The following KCNH5 variants were observed in gnomAD, a reference collection of about 807,000 sequenced individuals.
The protein encoded by KCNH5 is potassium voltage-gated channel subfamily H member 5.
Under a neutral mutation model 96.1 loss-of-function variants are expected in KCNH5, and 46 were observed. The ratio of observed to expected loss-of-function variants is 0.48; its 90% CI spans 0.38 to 0.61. The LOEUF is 0.61. KCNH5 is among the 20% of genes least tolerant of loss of function. The pLI, the probability that KCNH5 is intolerant of heterozygous loss-of-function variation, is 0.00. For missense variants in KCNH5, 907 were observed against 1,225.8 expected, an observed-to-expected ratio of 0.74 and a Z score of 3.88; for synonymous variants, 439 against 449.8, an observed-to-expected ratio of 0.98 and a Z score of 0.30.
chr14:62,932,672 T>C (rs943541134), intron 7 of KCNH5, among the ~76,000 whole-genome samples: 1 of 152,072 alleles, frequency 6.6e-6, no homozygotes, highest in Non-Finnish European at 1.5e-5. Context: ...CATAGAAAGA[T>C]ACCTTGTCAT....
rs906030611 is a variant in KCNH5, at chr14:62,704,144, C to T, written c.*3364G>A. The T allele has an allele frequency of 2.6e-5, 4 of 151,912 alleles. No homozygotes were observed. Among genetic ancestry groups the T allele is most frequent in the East Asian group, 1.9e-4 (1 of 5,180 alleles). 9.4% of individuals were successfully genotyped at this position (151,912 alleles called of 1,614,324 possible). A position where few individuals can be genotyped will look rare whatever the true frequency, so the allele number is the denominator to read the frequency against. On this transcript the variant is annotated 3_prime_UTR_variant, in exon 11 of 11. Transcript: ENST00000322893. ...AATTTTCCTATTAAAGTGTTGAGTA[C>T]AACAGAAGTACACATTTTTTCTAGA... is the stretch of plus-strand genomic sequence containing the variant.
intron 10 of KCNH5, among the ~76,000 whole-genome samples, chr14:62,735,145 A>C (rs1885130380): frequency 6.6e-6 from 1 of 152,172 alleles, no homozygotes; most frequent in Admixed American, 6.6e-5. Flanking sequence ...CTCTTGCAGG[A>C]AATAAAGCTT....
intron 5 of KCNH5, among the ~76,000 whole-genome samples, chr14:62,984,666 G>A (rs144956999): frequency 1.3e-5 from 2 of 151,944 alleles, no homozygotes; most frequent in Admixed American, 6.6e-5. Flanking sequence ...CTCTGAAATC[G>A]ACCCTAAGAT....
intron 7 of KCNH5, among the ~76,000 whole-genome samples, chr14:62,881,278 AT>A (rs1888486003): frequency 6.6e-6 from 1 of 152,116 alleles, no homozygotes; most frequent in Admixed American, 6.6e-5. Context: ...TTGTTTAAAG[AT>A]TTTCATGGAA....
intron 10 of KCNH5, among the ~76,000 whole-genome samples, chr14:62,754,888 G>GTAAAATAAAA (rs567937783): frequency 7.5e-6 from 1 of 133,910 alleles, no homozygotes; most frequent in African/African-American, 2.5e-5. Flanking sequence ...ATAAAATAAA[G>GTAAAATAAAA]TAAAATAAAA....
rs566794892 is a variant in KCNH5, at chr14:62,909,288, G to A, written c.1369+40845C>T. 3.2e-3 allele frequency among the ~76,000 whole-genome samples: 489 copies of A among 151,448 alleles called. 4 individuals carry two copies. The highest frequency in any genetic ancestry group is 0.011 in the African/African-American group (469 of 41,298). On this transcript the variant is annotated intron_variant, in intron 7 of 10. Transcript: ENST00000322893. Reference sequence around the variant, plus strand: ...TCTCGATCTCCTGACCTCGTGATCCGCCCGCCTCGGCCTCCCAAAGTGCTG... The same window carrying A: ...TCTCGATCTCCTGACCTCGTGATCCACCCGCCTCGGCCTCCCAAAGTGCTG...
intron 6 of KCNH5, among the ~76,000 whole-genome samples, chr14:62,975,694 GA>G (rs1275181229): frequency 2.0e-5 from 3 of 152,012 alleles, no homozygotes; most frequent in Non-Finnish European, 2.9e-5. Context: ...CCAGTAGGAG[GA>G]ATCCAAGAGA....
chr14:62,963,603 G>T (rs560575588), intron 6 of KCNH5, among the ~76,000 whole-genome samples: 4 of 152,186 alleles, frequency 2.6e-5, no homozygotes, highest in South Asian at 4.1e-4. Context: ...AAAAAGGAGA[G>T]AATTCCTCCT....
intron 2 of KCNH5, among the ~76,000 whole-genome samples, chr14:63,012,013 C>T (rs759538252): frequency 2.0e-5 from 3 of 152,158 alleles, no homozygotes; most frequent in Non-Finnish European, 4.4e-5. Flanking sequence ...GATTGTTCTT[C>T]TCACCCCTCT....
intron 6 of KCNH5, among the ~76,000 whole-genome samples, chr14:62,955,756 C>T (rs1056821225): frequency 3.9e-5 from 6 of 152,164 alleles, no homozygotes; most frequent in African/African-American, 1.4e-4. Context: ...AGTAGGGGTC[C>T]GTGGAGGCCC....
intron 10 of KCNH5, among the ~76,000 whole-genome samples, chr14:62,754,658 T>G (rs1270401922): frequency 1.3e-5 from 2 of 151,750 alleles, no homozygotes; most frequent in Non-Finnish European, 2.9e-5. Flanking sequence ...AGATCACTTA[T>G]GGTCAGGAGT....
At chr14:62,907,026 T>C (rs2140097390) in intron 7 of KCNH5, among the ~76,000 whole-genome samples, 1 of 152,320 alleles carries the variant, frequency 6.6e-6, no homozygotes, top group South Asian at 2.1e-4. Context: ...CCCTAATCCA[T>C]TTTCTTAACT....
rs768379844 is a variant in KCNH5, at chr14:62,707,710, T to A, written c.2765A>T (p.Gln922Leu). Residue 922 changes from glutamine (Q) to leucine (L), a missense_variant, in exon 11 of 11, where the codon CAG (glutamine) becomes CTG (leucine). By Grantham distance (113) the Gln-to-Leu change is moderately radical. This residue lies in a region of KCNH5 where 362 missense variants were observed against 394.4 expected (regional missense o/e 0.92). Transcript: ENST00000322893. The stretch of plus-strand genomic sequence containing the variant: ...GGCAGTCATTCTGCAGCTGAGCAGC[T>A]GGATGTCCTCTTTGAGTTCGTGTTT... Reference protein sequence around the residue: ...EVKHELKEDIQLLSCRMTALE... With the variant: ...EVKHELKEDILLLSCRMTALE... 2 of 1,603,770 alleles carry A rather than the reference T, an allele frequency of 1.2e-6. No individual in the cohort carries two copies. Among genetic ancestry groups the A allele is most frequent in the African/African-American group, 2.7e-5 (2 of 74,872 alleles).
intron 2 of KCNH5, among the ~76,000 whole-genome samples, chr14:63,013,537 T>C (rs1891268434): frequency 6.6e-6 from 1 of 152,120 alleles, no homozygotes; most frequent in Non-Finnish European, 1.5e-5. Flanking sequence ...ATAATAACTT[T>C]TAGCCATCAA....
At chr14:62,740,746 G>T (rs1237189025) in intron 10 of KCNH5, among the ~76,000 whole-genome samples, 2 of 152,138 alleles carry the variant, frequency 1.3e-5, no homozygotes, top group Non-Finnish European at 2.9e-5. Context: ...TTGCACAGCT[G>T]ATTATTCAGT....
At chr14:63,012,791 G>T (rs920085289) in intron 2 of KCNH5, among the ~76,000 whole-genome samples, 1 of 151,826 alleles carries the variant, frequency 6.6e-6, no homozygotes, top group African/African-American at 2.4e-5. Flanking sequence ...TGAATGAAAA[G>T]AGTAAGAAAC....
chr14:62,910,816 C>T (rs1198389024), intron 7 of KCNH5, among the ~76,000 whole-genome samples: 1 of 151,760 alleles, frequency 6.6e-6, no homozygotes, highest in Non-Finnish European at 1.5e-5. Flanking sequence ...AAGATGTTCA[C>T]ATGGCTCACT....
At chr14:62,934,136 CT>C (rs71451286) in intron 7 of KCNH5, among the ~76,000 whole-genome samples, 167 of 141,356 alleles carry the variant, frequency 1.2e-3, no homozygotes, top group Non-Finnish European at 1.5e-3. Flanking sequence ...TTCTTTCTTT[CT>C]TTTTTTTTTT....
rs1472730999 is a variant in KCNH5, at chr14:62,705,904, TA to T, written c.*1603del. On this transcript the variant is annotated 3_prime_UTR_variant, in exon 11 of 11. Transcript: ENST00000322893. ...TATGTACAGATGGTCCCGTAATATA[TA>T]AATTACTCACACATTTTTTTCAACT... The T allele has an allele frequency of 6.6e-6, 1 of 152,116 alleles. No individual in the cohort carries two copies. Among genetic ancestry groups the T allele is most frequent in the Non-Finnish European group, 1.5e-5 (1 of 67,958 alleles). 9.4% of individuals were successfully genotyped at this position (152,116 alleles called of 1,614,324 possible). A position where few individuals can be genotyped will look rare whatever the true frequency, so the allele number is the denominator to read the frequency against.
Sources: allele counts gnomAD v4.1 joint callset (sites outside exome capture counted in the v4.1 genomes callset), GRCh38; gene constraint gnomAD v4.1.1; regional missense constraint gnomAD v4.1.1; transcripts MANE v1.5; gene names NCBI Gene and HGNC (gene_info 2026-07-23, HGNC 2026-07-21).